The following SPMIP2 variants were observed in gnomAD, a reference collection of about 807,000 sequenced individuals.
SPMIP2 encodes sperm microtubule inner protein 2.
the SPMIP2 span, chr4:158,905,016 G>T: frequency 6.5e-6 from 1 of 153,556 alleles, no homozygotes; most frequent in East Asian, 1.9e-4. Context: ...TACAGACTTT[G>T]GATTCCAGGT....
chr4:158,951,170 T>TA, the SPMIP2 span, among the ~76,000 whole-genome samples: 1 of 152,258 alleles, frequency 6.6e-6, no homozygotes, highest in Non-Finnish European at 1.5e-5. Context: ...TGCTTTGCTG[T>TA]AGTGCCTACC....
the SPMIP2 span, among the ~76,000 whole-genome samples, chr4:158,903,380 G>A: frequency 7.2e-5 from 11 of 152,126 alleles, no homozygotes; most frequent in East Asian, 1.9e-4. Flanking sequence ...CACCTTCTGC[G>A]TCGATCTTGC....
the SPMIP2 span, among the ~76,000 whole-genome samples, chr4:159,021,367 G>A: frequency 4.6e-5 from 7 of 152,190 alleles, no homozygotes; most frequent in Admixed American, 4.6e-4. Flanking sequence ...AAATCACAGA[G>A]GCAGAGGTTT....
At chr4:159,038,584 A>C in the SPMIP2 span, 2 of 152,270 alleles carry the variant, frequency 1.3e-5, no homozygotes, top group African/African-American at 4.8e-5. Context: ...TAAATGTAGT[A>C]ATACATTTAG....
At chr4:158,964,735 G>T in the SPMIP2 span, among the ~76,000 whole-genome samples, 4 of 152,184 alleles carry the variant, frequency 2.6e-5, no homozygotes, top group Non-Finnish European at 5.9e-5. Flanking sequence ...AAGGAAAGAG[G>T]TTTAATTGAC....
chr4:158,931,594 G>A, the SPMIP2 span, among the ~76,000 whole-genome samples: 3 of 151,980 alleles, frequency 2.0e-5, no homozygotes, highest in African/African-American at 4.8e-5. Context: ...TTGAGACAGG[G>A]TCTGGCTCTT....
the SPMIP2 span, among the ~76,000 whole-genome samples, chr4:158,948,308 A>G: frequency 1.3e-5 from 2 of 152,094 alleles, no homozygotes; most frequent in South Asian, 4.1e-4. Context: ...GGGGAAAAAA[A>G]GCTTGGAGGT....
At chr4:159,077,457 T>C in the SPMIP2 span, among the ~76,000 whole-genome samples, 1 of 152,178 alleles carries the variant, frequency 6.6e-6, no homozygotes, top group African/African-American at 2.4e-5. Context: ...AGATTTTCTT[T>C]TAATGTGTTT....
the SPMIP2 span, among the ~76,000 whole-genome samples, chr4:159,051,968 C>G: frequency 2.0e-5 from 3 of 152,206 alleles, no homozygotes; most frequent in Non-Finnish European, 4.4e-5. Flanking sequence ...GCCCTGCCCC[C>G]ACACCCTCCA....
chr4:158,954,951 CT>C, the SPMIP2 span, among the ~76,000 whole-genome samples: 1 of 152,062 alleles, frequency 6.6e-6, no homozygotes, highest in East Asian at 1.9e-4. Flanking sequence ...CCTATCTATG[CT>C]TTTTATTCTG....
the SPMIP2 span, among the ~76,000 whole-genome samples, chr4:158,986,511 C>G: frequency 0.016 from 1,444 of 90,650 alleles, 13 homozygotes; most frequent in Middle Eastern, 0.097. Flanking sequence ...CTTTGACAAA[C>G]TTGAGAAAAG....
the SPMIP2 span, among the ~76,000 whole-genome samples, chr4:158,941,500 A>T: frequency 3.3e-5 from 5 of 152,150 alleles, no homozygotes; most frequent in African/African-American, 4.8e-5. Context: ...CTACAAAAAA[A>T]TTTTAAAAAT....
chr4:158,955,595 G>A, the SPMIP2 span, among the ~76,000 whole-genome samples: 2 of 152,090 alleles, frequency 1.3e-5, no homozygotes, highest in Non-Finnish European at 2.9e-5. Context: ...TATTAGAGAT[G>A]GGATTTCACT....
chr4:158,915,132 CT>C, the SPMIP2 span: 3 of 1,560,434 alleles, frequency 1.9e-6, no homozygotes, highest in Admixed American at 3.8e-5. Context: ...AGCAGCCTGA[CT>C]TTTTCTATGA....
chr4:159,000,253 T>A, the SPMIP2 span, among the ~76,000 whole-genome samples: 1 of 152,166 alleles, frequency 6.6e-6, no homozygotes, highest in African/African-American at 2.4e-5. Flanking sequence ...CTAAAAAAAT[T>A]TATTCATCTG....
the SPMIP2 span, among the ~76,000 whole-genome samples, chr4:158,925,916 G>A: frequency 1.3e-5 from 2 of 152,156 alleles, no homozygotes; most frequent in Non-Finnish European, 2.9e-5. Context: ...CTTCCACCTA[G>A]ACAGCCATCT....
chr4:159,010,136 G>T, the SPMIP2 span, among the ~76,000 whole-genome samples: 1 of 152,190 alleles, frequency 6.6e-6, no homozygotes, highest in Non-Finnish European at 1.5e-5. Context: ...AATCTACTTT[G>T]TATGGCTGGT....
the SPMIP2 span, chr4:159,035,317 C>G: frequency 1.2e-4 from 57 of 463,458 alleles, no homozygotes; most frequent in South Asian, 2.2e-4. Flanking sequence ...CTGCTATAGT[C>G]TTCCCAGAAC....
the SPMIP2 span, among the ~76,000 whole-genome samples, chr4:158,920,329 G>A: frequency 6.6e-6 from 1 of 152,110 alleles, no homozygotes; most frequent in Non-Finnish European, 1.5e-5. Context: ...GGGAACAAGG[G>A]AAGACAACCA....
Sources: allele counts gnomAD v4.1 joint callset (sites outside exome capture counted in the v4.1 genomes callset), GRCh38; gene constraint gnomAD v4.1.1; transcripts MANE v1.5; gene names NCBI Gene and HGNC (gene_info 2026-07-23, HGNC 2026-07-21).